CDH7: variants seen among roughly 807,000 people sequenced by gnomAD.
CDH7 encodes cadherin-7.
A neutral mutation model predicts 71.8 loss-of-function variants in CDH7; 25 were observed. The observed-to-expected ratio is 0.35, with a 90% confidence interval of 0.25 to 0.49. The LOEUF (loss-of-function observed/expected upper bound fraction) is 0.49, where lower values mean the gene tolerates loss of function less well. Among genes scored for constraint, CDH7 ranks in the 20% least tolerant of loss-of-function variants. The probability of loss-of-function intolerance (pLI) is 0.99; values close to 1 mark genes in which losing one functional copy is unlikely to be tolerated. For missense variants in CDH7, 862 were observed against 974.6 expected, an observed-to-expected ratio of 0.88 and a Z score of 1.54; for synonymous variants, 381 against 363.8, an observed-to-expected ratio of 1.05 and a Z score of -0.54.
chr18:65,829,282 G>T (rs1311644751), intron 6 of CDH7, among the ~76,000 whole-genome samples: 1 of 151,834 alleles, frequency 6.6e-6, no homozygotes, highest in African/African-American at 2.4e-5. Context: ...ACTACTCCTG[G>T]CTAATTTTTG....
chr18:65,790,489 C>CT (rs1230189701), intron 2 of CDH7, among the ~76,000 whole-genome samples: 1 of 152,054 alleles, frequency 6.6e-6, no homozygotes, highest in Non-Finnish European at 1.5e-5. Context: ...TCCTCATTCT[C>CT]TTTTTCTGTT....
At chr18:65,871,425 G>A (rs1017733751) in intron 11 of CDH7, among the ~76,000 whole-genome samples, 13 of 152,138 alleles carry the variant, frequency 8.5e-5, no homozygotes, top group South Asian at 2.1e-4. Flanking sequence ...ATACATCCAG[G>A]AAATGGAATA....
intron 2 of CDH7, among the ~76,000 whole-genome samples, chr18:65,797,448 G>A (rs1164077261): frequency 1.3e-5 from 2 of 152,148 alleles, no homozygotes; most frequent in African/African-American, 4.8e-5. Flanking sequence ...AAGTTTCTCT[G>A]GTTGCAGAGA....
intron 2 of CDH7, among the ~76,000 whole-genome samples, chr18:65,783,875 G>A (rs914024296): frequency 1.3e-4 from 20 of 152,090 alleles, no homozygotes; most frequent in Non-Finnish European, 2.2e-4. Context: ...TGTAATAGAT[G>A]CTGATAAATA....
Position 65,888,911 on chromosome 18 carries a change from A to C in CDH7, c.*8017A>C, listed in dbSNP as rs1914441255. On this transcript the variant is annotated 3_prime_UTR_variant, in exon 12 of 12. Coordinates refer to ENST00000397968, the MANE Select transcript of CDH7 (RefSeq NM_004361.5). ...ATAAGAAGATAGCTGAAACTCTAAT[A>C]ATTGGACTTTCCAATCTTAATTATG... is the stretch of plus-strand genomic sequence containing the variant. The C allele has an allele frequency of 1.3e-5, 2 of 152,212 alleles. No homozygotes were observed. Among genetic ancestry groups the C allele is most frequent in the African/African-American group, 4.8e-5 (2 of 41,472 alleles). The allele number at this position is 152,212 out of a possible 1,614,324, so 9.4% of individuals were successfully genotyped here. A position where few individuals can be genotyped will look rare whatever the true frequency, so the allele number is the denominator to read the frequency against.
rs1328976453 is a variant in CDH7 at position 65,887,474 on chromosome 18, T to C, written c.*6580T>C. ...GTGTTCCCCTTCCTGTGTAACTATA[T>C]AGCAATTTCATTTTACATGCAGTAA... On this transcript the variant is annotated 3_prime_UTR_variant, in exon 12 of 12. Transcript: ENST00000397968. The C allele has an allele frequency of 1.4e-5, 2 of 145,618 alleles. No homozygotes were observed. The highest frequency in any genetic ancestry group is 2.5e-5 in the African/African-American group (1 of 39,688). 9.0% of individuals were successfully genotyped at this position (145,618 alleles called of 1,614,324 possible). A position where few individuals can be genotyped will look rare whatever the true frequency, so the allele number is the denominator to read the frequency against.
intron 2 of CDH7, among the ~76,000 whole-genome samples, chr18:65,782,526 T>C (rs1205669560): frequency 6.6e-6 from 1 of 152,086 alleles, no homozygotes; most frequent in African/African-American, 2.4e-5. Context: ...CAAAATTTTC[T>C]TTTGGATGGG....
chr18:65,880,865 G>T lies in CDH7; in HGVS notation c.2329G>T (p.Gly777Trp), dbSNP rs915192339. 3 of 1,613,760 alleles carry T rather than the reference G, an allele frequency of 1.9e-6. No individual in the cohort carries two copies. Among genetic ancestry groups the T allele is most frequent in the South Asian group, 2.2e-5 (2 of 91,030 alleles). ...PRFKRLADMY[G>W]TGQESLYS ...CTTTAAACGACTCGCGGACATGTAT[G>T]GGACTGGCCAAGAGAGTTTGTACTC... The change falls in exon 12 of 12, where the codon GGG (glycine) becomes TGG (tryptophan). Residue 777 changes from glycine to tryptophan, a missense_variant. By Grantham distance (184) the Gly-to-Trp change is radical (BLOSUM62 -2). Transcript: ENST00000397968.
intron 2 of CDH7, among the ~76,000 whole-genome samples, chr18:65,807,805 G>T (rs1457089950): frequency 6.6e-6 from 1 of 152,200 alleles, no homozygotes; most frequent in Non-Finnish European, 1.5e-5. Context: ...GTCATAAAAT[G>T]CACACATGGA....
intron 2 of CDH7, among the ~76,000 whole-genome samples, chr18:65,787,114 A>T (rs767546438): frequency 1.6e-4 from 25 of 152,202 alleles, no homozygotes; most frequent in Non-Finnish European, 2.6e-4. Context: ...TTGTTGACAC[A>T]TGCAGCCAAA....
chr18:65,829,389 T>C (rs1599035164), intron 6 of CDH7, among the ~76,000 whole-genome samples: 1 of 151,206 alleles, frequency 6.6e-6, no homozygotes, highest in South Asian at 2.1e-4. Flanking sequence ...ATTTTTATGA[T>C]CATTAACTCA....
intron 11 of CDH7, among the ~76,000 whole-genome samples, chr18:65,869,317 G>A (rs1454740026): frequency 1.3e-5 from 2 of 150,978 alleles, no homozygotes; most frequent in East Asian, 3.9e-4. Context: ...AAAACTAAAT[G>A]GGATTTTGAA....
At chr18:65,799,446 G>A (rs942872491) in intron 2 of CDH7, among the ~76,000 whole-genome samples, 1 of 152,126 alleles carries the variant, frequency 6.6e-6, no homozygotes, top group African/African-American at 2.4e-5. Context: ...GGGAGGCCGA[G>A]GTGGGCGGAT....
intron 2 of CDH7, among the ~76,000 whole-genome samples, chr18:65,784,309 A>G (rs73963790): frequency 0.014 from 2,114 of 152,172 alleles, 49 homozygotes; most frequent in African/African-American, 0.048. Context: ...TACAAAGCCC[A>G]GAGAGAAATG....
In CDH7 at chr18:65,889,301, T is replaced by C. The variant is rs1315773996; in HGVS notation, c.*8407T>C. ...AAAAGAAAGAAAAAGCTAAATCTTA[T>C]GAAGCTAAACTGTCAACAAACAGTT... is the stretch of plus-strand genomic sequence containing the variant. On this transcript the variant is annotated 3_prime_UTR_variant, in exon 12 of 12. Coordinates refer to ENST00000397968, the MANE Select transcript of CDH7 (RefSeq NM_004361.5). 1.3e-5 allele frequency: 2 copies of C among 152,206 alleles called. No homozygotes were observed. Among genetic ancestry groups the C allele is most frequent in the African/African-American group, 2.4e-5 (1 of 41,452 alleles). The allele number at this position is 152,206 out of a possible 1,614,324, so 9.4% of individuals were successfully genotyped here.
chr18:65,842,269 G>C (rs1377938283), intron 6 of CDH7, among the ~76,000 whole-genome samples: 1 of 151,996 alleles, frequency 6.6e-6, no homozygotes, highest in Non-Finnish European at 1.5e-5. Context: ...GGGAATAATA[G>C]TGATGAACAA....
chr18:65,874,446 T>TTA (rs111393897), intron 11 of CDH7, among the ~76,000 whole-genome samples: 9,424 of 152,106 alleles, frequency 0.062, 396 homozygotes, highest in South Asian at 0.14. Context: ...ATGTTCTCAT[T>TTA]TATAGGTGGG....
chr18:65,796,238 A>G (rs576916668), intron 2 of CDH7, among the ~76,000 whole-genome samples: 4 of 152,142 alleles, frequency 2.6e-5, no homozygotes, highest in Non-Finnish European at 5.9e-5. Context: ...GTCACTCCCA[A>G]GCATCTGGAA....
intron 2 of CDH7, among the ~76,000 whole-genome samples, chr18:65,791,777 C>T (rs1910720476): frequency 6.6e-6 from 1 of 152,196 alleles, no homozygotes; most frequent in South Asian, 2.1e-4. Flanking sequence ...GGATTCTGTT[C>T]AGTAAACACT....
Sources: allele counts gnomAD v4.1 joint callset (sites outside exome capture counted in the v4.1 genomes callset), GRCh38; gene constraint gnomAD v4.1.1; transcripts MANE v1.5; gene names NCBI Gene and HGNC (gene_info 2026-07-23, HGNC 2026-07-21).